Variants in TNKS observed in about 807,000 individuals in gnomAD.
The protein encoded by TNKS is tankyrase, also known as poly [ADP-ribose] polymerase tankyrase-1.
A neutral mutation model predicts 135.8 loss-of-function variants in TNKS; 72 were observed. The observed-to-expected ratio is 0.53, with a 90% confidence interval of 0.44 to 0.64. TNKS has a LOEUF of 0.64. Ranked by LOEUF, TNKS falls within the 30% of genes least tolerant of loss-of-function variation. The probability of loss-of-function intolerance (pLI) is 0.00; values close to 1 mark genes in which losing one functional copy is unlikely to be tolerated. For missense variants in TNKS, 1,769 were observed against 1,674.0 expected, an observed-to-expected ratio of 1.06 and a Z score of -0.99; for synonymous variants, 849 against 649.3, an observed-to-expected ratio of 1.31 and a Z score of -4.68.
At chr8:9,643,217 C>T (rs1353238135) in intron 3 of TNKS, among the ~76,000 whole-genome samples, 1 of 146,060 alleles carries the variant, frequency 6.8e-6, no homozygotes, top group Non-Finnish European at 1.5e-5. Flanking sequence ...CCATTTTGTG[C>T]TGCTATTAAT....
At chr8:9,709,196 A>G (rs924740177) in intron 9 of TNKS, among the ~76,000 whole-genome samples, 5 of 152,264 alleles carry the variant, frequency 3.3e-5, no homozygotes, top group Middle Eastern at 3.4e-3. Context: ...CAGTATCTGC[A>G]TAAAACAACA....
intron 2 of TNKS, among the ~76,000 whole-genome samples, chr8:9,590,392 C>T (rs1201250904): frequency 6.6e-6 from 1 of 152,172 alleles, no homozygotes; most frequent in African/African-American, 2.4e-5. Flanking sequence ...ATTTCTTGCC[C>T]TGCCCTGTTT....
intron 2 of TNKS, among the ~76,000 whole-genome samples, chr8:9,587,604 A>G (rs977090055): frequency 1.3e-4 from 19 of 151,880 alleles, no homozygotes; most frequent in East Asian, 1.9e-4. Context: ...GGGTTTCACC[A>G]TGTTAGCCAG....
At chr8:9,628,612 C>G (rs943328106) in intron 3 of TNKS, among the ~76,000 whole-genome samples, 2 of 151,970 alleles carry the variant, frequency 1.3e-5, no homozygotes, top group Non-Finnish European at 2.9e-5. Context: ...AGGTTAAGTC[C>G]TAGGATTTTT....
chr8:9,748,176 G>C lies in TNKS; in HGVS notation c.2796G>C (p.Lys932Asn). The change falls in exon 18 of 27, where the codon AAG (lysine) becomes AAC (asparagine). Residue 932 changes from lysine (K) to asparagine (N), a missense_variant. By Grantham distance (94) the Lys-to-Asn change is moderately conservative. Transcript: ENST00000310430. ...CGCATGGTGCAGACCCCACCATGAA[G>C]AACCAGGAAGGCCAGACGCCTCTGG... The part of the protein sequence containing the change: ...LLAHGADPTM[K>N]NQEGQTPLDL... 4 of 1,591,060 alleles carry C rather than the reference G, an allele frequency of 2.5e-6. No homozygotes were observed. Among genetic ancestry groups the C allele is most frequent in the Non-Finnish European group, 3.4e-6 (4 of 1,169,070 alleles).
Position 9,615,027 on chromosome 8 carries a change from C to G in TNKS, c.899-555C>G, listed in dbSNP as rs763454440. On this transcript the variant is annotated intron_variant, in intron 2 of 26. Coordinates refer to ENST00000310430, the MANE Select transcript of TNKS (RefSeq NM_003747.3). ...TAAGAGGCAGTTCCTTTTTGCAGCT[C>G]CACGCCAGGGGACCAGGGTTACACA... Among the ~76,000 whole-genome samples the G allele has an allele frequency of 7.9e-5, 12 of 152,206 alleles. 1 individual carries two copies. The highest frequency in any genetic ancestry group is 2.9e-4 in the African/African-American group (12 of 41,550).
At chr8:9,592,213 A>C (rs1798614585) in intron 2 of TNKS, among the ~76,000 whole-genome samples, 1 of 152,220 alleles carries the variant, frequency 6.6e-6, no homozygotes, top group African/African-American at 2.4e-5. Context: ...AAATCTTTCC[A>C]CAAACGAAGA....
intron 3 of TNKS, among the ~76,000 whole-genome samples, chr8:9,659,118 T>G (rs919992688): frequency 3.9e-5 from 6 of 152,048 alleles, no homozygotes; most frequent in African/African-American, 1.2e-4. Flanking sequence ...AGACATAGAC[T>G]CCCACACAAT....
intron 2 of TNKS, among the ~76,000 whole-genome samples, chr8:9,612,580 G>C (rs1380416348): frequency 6.6e-6 from 1 of 152,034 alleles, no homozygotes; most frequent in African/African-American, 2.4e-5. Context: ...ATCAGAAGAA[G>C]AATATTTTAT....
chr8:9,775,525 A>G (rs1487389804), intron 26 of TNKS, among the ~76,000 whole-genome samples: 2 of 129,540 alleles, frequency 1.5e-5, no homozygotes, highest in Non-Finnish European at 3.3e-5. Context: ...CTTAACATTT[A>G]TGTTTTTTTG....
intron 3 of TNKS, among the ~76,000 whole-genome samples, chr8:9,629,356 C>G (rs1250514543): frequency 6.6e-6 from 1 of 152,220 alleles, no homozygotes; most frequent in Non-Finnish European, 1.5e-5. Flanking sequence ...GTCAGGCTTC[C>G]TTAAGTCTGT....
intron 3 of TNKS, among the ~76,000 whole-genome samples, chr8:9,674,822 A>AAGGACAACAAACAACTGTGTTT (rs1316924688): frequency 1.3e-5 from 2 of 152,206 alleles, no homozygotes; most frequent in Non-Finnish European, 2.9e-5. Flanking sequence ...CTTAGAATTT[A>AAGGACAACAAACAACTGTGTTT]AGGACAACAA....
chr8:9,601,303 A>G (rs1274179960), intron 2 of TNKS, among the ~76,000 whole-genome samples: 1 of 152,212 alleles, frequency 6.6e-6, no homozygotes, highest in Non-Finnish European at 1.5e-5. Context: ...CATGAACTTT[A>G]AATTTAACAC....
intron 1 of TNKS, among the ~76,000 whole-genome samples, chr8:9,565,327 ATTT>A (rs1408926887): frequency 6.6e-6 from 1 of 151,904 alleles, no homozygotes; most frequent in East Asian, 1.9e-4. Context: ...GTGATGTAAA[ATTT>A]TTTCTCTATC....
chr8:9,611,836 T>C (rs1389516952), intron 2 of TNKS, among the ~76,000 whole-genome samples: 2 of 152,242 alleles, frequency 1.3e-5, no homozygotes, highest in Non-Finnish European at 2.9e-5. Context: ...ATGTGTCTGA[T>C]AACCTTCAGT....
At chr8:9,649,183 G>A (rs1801037381) in intron 3 of TNKS, among the ~76,000 whole-genome samples, 1 of 152,178 alleles carries the variant, frequency 6.6e-6, no homozygotes, top group Non-Finnish European at 1.5e-5. Flanking sequence ...ATCCCTGAAA[G>A]CAAGGCAGAT....
chr8:9,725,083 A>G (rs980443183), intron 12 of TNKS, among the ~76,000 whole-genome samples: 1 of 152,236 alleles, frequency 6.6e-6, no homozygotes, highest in African/African-American at 2.4e-5. Flanking sequence ...TCATAGAGAC[A>G]TAATATACAC....
intron 5 of TNKS, among the ~76,000 whole-genome samples, chr8:9,686,029 A>G (rs1802981469): frequency 1.3e-5 from 2 of 152,182 alleles, no homozygotes; most frequent in Non-Finnish European, 2.9e-5. Context: ...AGATGCCTCA[A>G]TAAACCGTCC....
chr8:9,688,962 T>A (rs769504296), intron 5 of TNKS, among the ~76,000 whole-genome samples: 1 of 152,128 alleles, frequency 6.6e-6, no homozygotes, highest in East Asian at 1.9e-4. Context: ...TTCATGTCTG[T>A]ACTTAGAAGG....
Sources: gnomAD v4.1 joint callset for allele counts (sites outside exome capture counted in the v4.1 genomes callset) on GRCh38, gnomAD v4.1.1 for gene constraint, MANE v1.5 for transcripts, NCBI Gene and HGNC (gene_info 2026-07-23, HGNC 2026-07-21) for gene names.